The following MTSS1 variants were observed in gnomAD, a reference collection of about 807,000 sequenced individuals.
The protein encoded by MTSS1 is MTSS I-BAR domain containing 1.
A neutral mutation model predicts 79.0 loss-of-function variants in MTSS1; 18 were observed. The ratio of observed to expected loss-of-function variants is 0.23; its 90% confidence interval spans 0.16 to 0.34. The LOEUF (loss-of-function observed/expected upper bound fraction) is 0.34, where lower values mean the gene tolerates loss of function less well. Ranked by LOEUF, MTSS1 falls within the 10% of genes least tolerant of loss-of-function variation. MTSS1 has a pLI of 1.00. For missense variants in MTSS1, 815 were observed against 986.2 expected, an observed-to-expected ratio of 0.83 and a Z score of 2.33; for synonymous variants, 341 against 368.6, an observed-to-expected ratio of 0.93 and a Z score of 0.86.
intron 3 of MTSS1, among the ~76,000 whole-genome samples, chr8:124,633,666 G>A (rs1424433281): frequency 6.6e-6 from 1 of 151,920 alleles, no homozygotes; most frequent in Non-Finnish European, 1.5e-5. Flanking sequence ...GCTACTCGAG[G>A]GGCTGAGGGA....
At chr8:124,634,916 G>A (rs1563906231) in intron 3 of MTSS1, among the ~76,000 whole-genome samples, 1 of 152,218 alleles carries the variant, frequency 6.6e-6, no homozygotes, top group Non-Finnish European at 1.5e-5. Flanking sequence ...GCCGTTCTAT[G>A]CTGTGAGTTT....
At chr8:124,629,885 CAT>C (rs1406309248) in intron 3 of MTSS1, among the ~76,000 whole-genome samples, 1 of 152,202 alleles carries the variant, frequency 6.6e-6, no homozygotes, top group African/African-American at 2.4e-5. Flanking sequence ...CTTTTAAAAA[CAT>C]ATCACACACA....
chr8:124,656,435 C>T lies in MTSS1; in HGVS notation c.208+43091G>A, dbSNP rs187767609. Among the ~76,000 whole-genome samples the T allele has an allele frequency of 3.5e-4, 53 of 150,142 alleles. 1 individual carries two copies. The highest frequency in any genetic ancestry group is 3.2e-3 in the Admixed American group (48 of 15,088). ...TAAAAAGTACGATCTCTCTAAATTGCTACCAAAAGGACAATGAGCCAGGAC... is the reference window on the plus strand; with the variant it reads ...TAAAAAGTACGATCTCTCTAAATTGTTACCAAAAGGACAATGAGCCAGGAC... On this transcript the variant is annotated intron_variant, in intron 3 of 13. Coordinates refer to ENST00000518547, the MANE Select transcript of MTSS1 (RefSeq NM_014751.6).
At chr8:124,659,746 T>G (rs889449440) in intron 3 of MTSS1, among the ~76,000 whole-genome samples, 1 of 152,224 alleles carries the variant, frequency 6.6e-6, no homozygotes, top group Non-Finnish European at 1.5e-5. Flanking sequence ...AGTGCATTGA[T>G]GGGACAACAC....
Position 124,646,979 on chromosome 8 carries a change from G to C in MTSS1, c.208+52547C>G, listed in dbSNP as rs185352274. 4.6e-4 allele frequency among the ~76,000 whole-genome samples: 70 copies of C among 152,182 alleles called. 1 individual carries two copies. On this transcript the variant is annotated intron_variant, in intron 3 of 13. Transcript: ENST00000518547. ...TCCCACCTCAGCCTCCTGAGTAGCT[G>C]GGACTACAGGCATGTGCCACCATAC...
Position 124,557,744 on chromosome 8 carries a change from G to C in MTSS1, c.1167C>G (p.Asp389Glu). 6.2e-7 allele frequency: 1 copy of C among 1,603,354 alleles called. No individual in the cohort carries two copies. Among genetic ancestry groups the C allele is most frequent in the Non-Finnish European group, 8.5e-7 (1 of 1,175,028 alleles). Residue 389 changes from aspartate (D) to glutamate (E), a missense_variant, in exon 11 of 14, where the codon GAC becomes GAG. Coordinates refer to ENST00000518547, the MANE Select transcript of MTSS1 (RefSeq NM_014751.6). ...GCCCAATGGTGTAATAATGAGCGTAGTCTGGAAGGTGGACAGAGGTGACCC... is the reference window on the plus strand; with the variant it reads ...GCCCAATGGTGTAATAATGAGCGTACTCTGGAAGGTGGACAGAGGTGACCC... Reference protein sequence around the residue: ...LPRVTSVHLPDYAHYYTIGPG... With the variant: ...LPRVTSVHLPEYAHYYTIGPG...
intron 3 of MTSS1, among the ~76,000 whole-genome samples, chr8:124,594,355 A>T (rs1236640645): frequency 6.6e-6 from 1 of 152,038 alleles, no homozygotes; most frequent in African/African-American, 2.4e-5. Context: ...ACATGATGAA[A>T]CCTCATCTCT....
intron 3 of MTSS1, among the ~76,000 whole-genome samples, chr8:124,682,399 C>A (rs1265759779): frequency 6.6e-6 from 1 of 152,200 alleles, no homozygotes; most frequent in Non-Finnish European, 1.5e-5. Context: ...CACGGCTATC[C>A]CTTCAACGCT....
At chr8:124,621,205 T>G in intron 3 of MTSS1, among the ~76,000 whole-genome samples, 1 of 152,236 alleles carries the variant, frequency 6.6e-6, no homozygotes, top group East Asian at 1.9e-4. Flanking sequence ...ACCAGAGATC[T>G]ATTAAGGGCC....
At chr8:124,719,605 T>C (rs542221941) in intron 1 of MTSS1, among the ~76,000 whole-genome samples, 3 of 152,348 alleles carry the variant, frequency 2.0e-5, no homozygotes, top group South Asian at 2.1e-4. Flanking sequence ...TGACATGCAG[T>C]AGACATGCCA....
intron 5 of MTSS1, 74 bp downstream of exon 5, chr8:124,589,546 G>A: frequency 8.3e-7 from 1 of 1,204,450 alleles, no homozygotes; most frequent in Non-Finnish European, 1.2e-6. Flanking sequence ...TAGCAGAGGG[G>A]CCAGGCAGCA....
chr8:124,597,063 G>C lies in MTSS1; in HGVS notation c.209-5828C>G, dbSNP rs746162836. Among the ~76,000 whole-genome samples the C allele has an allele frequency of 6.6e-6, 1 of 152,064 alleles. No homozygotes were observed. The highest frequency in any genetic ancestry group is 1.5e-5 in the Non-Finnish European group (1 of 68,006). On this transcript the variant is annotated intron_variant, in intron 3 of 13. Transcript: ENST00000518547. The surrounding 1 kb of genome is among the most constrained non-coding windows in gnomAD (Gnocchi z 4.6). ...TTTCTGGGGGTGCGCCGCAGTCCAC[G>C]GCCCACATCCTACCGTGCAGCAAAA...
chr8:124,644,086 C>A (rs1476487951), intron 3 of MTSS1, among the ~76,000 whole-genome samples: 4 of 152,094 alleles, frequency 2.6e-5, no homozygotes, highest in Non-Finnish European at 4.4e-5. Flanking sequence ...CCTTTAGGCC[C>A]ACGGTTTGAG....
intron 3 of MTSS1, among the ~76,000 whole-genome samples, chr8:124,651,705 C>T (rs796711334): frequency 2.0e-5 from 3 of 152,316 alleles, no homozygotes; most frequent in African/African-American, 7.2e-5. Flanking sequence ...GAAAAAGACC[C>T]TCCCTGAAGA....
At chr8:124,677,914 GAAATTCA>G (rs1825566718) in intron 3 of MTSS1, among the ~76,000 whole-genome samples, 1 of 152,122 alleles carries the variant, frequency 6.6e-6, no homozygotes, top group Non-Finnish European at 1.5e-5. Context: ...TTTGATAAAA[GAAATTCA>G]AGCATAGTTA....
chr8:124,663,072 A>T (rs1419080996), intron 3 of MTSS1, among the ~76,000 whole-genome samples: 2 of 152,132 alleles, frequency 1.3e-5, no homozygotes, highest in Non-Finnish European at 2.9e-5. Context: ...TCCCTCAGGG[A>T]TGCTATGCCA....
intron 3 of MTSS1, among the ~76,000 whole-genome samples, chr8:124,686,390 G>A (rs1410421410): frequency 2.6e-5 from 4 of 152,186 alleles, no homozygotes; most frequent in Admixed American, 2.6e-4. Context: ...TAAAAAGGAA[G>A]CAGTCTTTTT....
At chr8:124,643,549 T>G (rs966605260) in intron 3 of MTSS1, among the ~76,000 whole-genome samples, 5 of 151,682 alleles carry the variant, frequency 3.3e-5, no homozygotes, top group Non-Finnish European at 7.4e-5. Context: ...AATAAAAAAA[T>G]TAGCCAGGCG....
intron 3 of MTSS1, among the ~76,000 whole-genome samples, chr8:124,650,475 T>C (rs544048454): frequency 1.3e-5 from 2 of 151,920 alleles, no homozygotes; most frequent in South Asian, 2.1e-4. Context: ...GGCAGGGACC[T>C]GACACAACCA....
Sources: gnomAD v4.1 joint callset for allele counts (sites outside exome capture counted in the v4.1 genomes callset) on GRCh38, gnomAD v4.1.1 for gene constraint, Gnocchi (gnomAD v3.1) non-coding constraint, MANE v1.5 for transcripts, NCBI Gene and HGNC (gene_info 2026-07-23, HGNC 2026-07-21) for gene names.